Variants in SLC2A13 observed in about 807,000 individuals in gnomAD.
SLC2A13 encodes proton myo-inositol cotransporter.
In SLC2A13, 32 loss-of-function variants were observed where a neutral mutation model predicts 64.4. The observed-to-expected ratio is 0.50, with a 90% CI of 0.37 to 0.67. SLC2A13 has a LOEUF of 0.67. Among genes scored for constraint, SLC2A13 ranks in the 30% least tolerant of loss-of-function variants. The pLI is 0.00. For synonymous variants in SLC2A13, 338 were observed against 327.1 expected, an observed-to-expected ratio of 1.03 and a Z score of -0.36; for missense variants, 743 against 829.2, an observed-to-expected ratio of 0.90 and a Z score of 1.28.
chr12:40,009,625 G>T (rs987516691), intron 3 of SLC2A13, among the ~76,000 whole-genome samples: 2 of 152,126 alleles, frequency 1.3e-5, no homozygotes, highest in Non-Finnish European at 2.9e-5. Flanking sequence ...CAGAGACAAG[G>T]TCTCACTATG....
chr12:39,957,892 T>C (rs1028748864), intron 3 of SLC2A13, among the ~76,000 whole-genome samples: 7 of 152,106 alleles, frequency 4.6e-5, no homozygotes, highest in Non-Finnish European at 7.4e-5. Context: ...GAGGAGCTCA[T>C]AATACCAGGA....
At chr12:39,899,990 C>T (rs891435762) in intron 4 of SLC2A13, among the ~76,000 whole-genome samples, 1 of 151,304 alleles carries the variant, frequency 6.6e-6, no homozygotes, top group African/African-American at 2.4e-5. Flanking sequence ...AGCTTATCCA[C>T]CATGATCAAG....
At chr12:39,891,986 A>G (rs1172701965) in intron 4 of SLC2A13, among the ~76,000 whole-genome samples, 1 of 152,196 alleles carries the variant, frequency 6.6e-6, no homozygotes, top group Admixed American at 6.5e-5. Flanking sequence ...TTTTTTTACT[A>G]GGTTTAATCA....
At chr12:39,800,513 C>T (rs1038451274) in intron 7 of SLC2A13, among the ~76,000 whole-genome samples, 1 of 125,328 alleles carries the variant, frequency 8.0e-6, no homozygotes, top group African/African-American at 3.1e-5. Context: ...CATCACTGGC[C>T]ATCAGAGAAA....
intron 4 of SLC2A13, among the ~76,000 whole-genome samples, chr12:39,932,675 G>A (rs962793031): frequency 6.6e-6 from 1 of 152,300 alleles, no homozygotes; most frequent in Admixed American, 6.5e-5. Context: ...TCCAAACAAG[G>A]TCAAGGCCTA....
At chr12:39,834,894 T>C (rs1402804095) in intron 6 of SLC2A13, among the ~76,000 whole-genome samples, 2 of 152,120 alleles carry the variant, frequency 1.3e-5, no homozygotes, top group Non-Finnish European at 2.9e-5. Context: ...AATCTGCTAA[T>C]TGACCTTTTA....
chr12:39,847,685 G>A (rs938573586), intron 6 of SLC2A13, among the ~76,000 whole-genome samples: 1 of 151,888 alleles, frequency 6.6e-6, no homozygotes, highest in African/African-American at 2.4e-5. Context: ...TTACCCTTGA[G>A]TTTATTTCAC....
At chr12:39,770,608 A>G (rs550500736) in intron 7 of SLC2A13, among the ~76,000 whole-genome samples, 1 of 152,264 alleles carries the variant, frequency 6.6e-6, no homozygotes, top group East Asian at 1.9e-4. Context: ...TGTTGGGAAC[A>G]TTAAATATTC....
intron 7 of SLC2A13, among the ~76,000 whole-genome samples, chr12:39,786,919 G>A (rs1216546076): frequency 6.6e-6 from 1 of 152,198 alleles, no homozygotes; most frequent in Non-Finnish European, 1.5e-5. Flanking sequence ...TGGCATAGCA[G>A]TCATAATAGC....
chr12:39,829,389 A>ATTATTTTTTT (rs1452679878), intron 7 of SLC2A13: 2 of 65,776 alleles, frequency 3.0e-5, no homozygotes, highest in African/African-American at 6.7e-5. Context: ...TGTGATAGTA[A>ATTATTTTTTT]TTCTTTTTTT....
At chr12:40,089,988 T>C (rs1449088848) in intron 1 of SLC2A13, among the ~76,000 whole-genome samples, 6 of 152,084 alleles carry the variant, frequency 3.9e-5, no homozygotes, top group Non-Finnish European at 7.4e-5. Context: ...TACTAAACCA[T>C]GTTTGCTTCT....
In SLC2A13 at chr12:39,958,771, A is replaced by G. The variant is rs535144763; in HGVS notation, c.926-7406T>C. Among the ~76,000 whole-genome samples the G allele has an allele frequency of 3.7e-4, 57 of 152,118 alleles. No homozygotes were observed. In the South Asian group the frequency reaches 4.6e-3, roughly 12 times the overall value. ...CTCAAAGAAGTCCCATATTGTTACAATTTTGTCTCTTACAATGTTCCTTCT... is the reference window on the plus strand; with the variant it reads ...CTCAAAGAAGTCCCATATTGTTACAGTTTTGTCTCTTACAATGTTCCTTCT... On this transcript the variant is annotated intron_variant, in intron 3 of 9. Transcript: ENST00000280871.
chr12:39,989,842 T>C (rs1947101913), intron 3 of SLC2A13, among the ~76,000 whole-genome samples: 1 of 152,256 alleles, frequency 6.6e-6, no homozygotes, highest in Admixed American at 6.5e-5. Flanking sequence ...AAAAAGAAAA[T>C]TGCCACTGCT....
intron 3 of SLC2A13, among the ~76,000 whole-genome samples, chr12:39,952,210 C>A (rs1946243853): frequency 1.3e-5 from 2 of 152,088 alleles, no homozygotes; most frequent in South Asian, 2.1e-4. Context: ...GCCCTTCCAG[C>A]CTCATAAGTG....
chr12:39,780,628 G>A (rs1316647412), intron 7 of SLC2A13, among the ~76,000 whole-genome samples: 1 of 152,166 alleles, frequency 6.6e-6, no homozygotes, highest in Non-Finnish European at 1.5e-5. Flanking sequence ...GCCTGGATGA[G>A]CTAGAAGTTA....
At chr12:40,021,123 C>T (rs192578571) in intron 3 of SLC2A13, among the ~76,000 whole-genome samples, 2 of 152,128 alleles carry the variant, frequency 1.3e-5, no homozygotes, top group East Asian at 1.9e-4. Flanking sequence ...TATCTACTTA[C>T]TAAGACAATC....
intron 4 of SLC2A13, among the ~76,000 whole-genome samples, chr12:39,911,878 T>C (rs1305388415): frequency 6.6e-6 from 1 of 152,054 alleles, no homozygotes; most frequent in Non-Finnish European, 1.5e-5. Flanking sequence ...GCAAGACACA[T>C]TGCCAGGATG....
chr12:39,961,328 C>T lies in SLC2A13; in HGVS notation c.926-9963G>A, dbSNP rs573618951. On this transcript the variant is annotated intron_variant, in intron 3 of 9. Coordinates refer to ENST00000280871, the MANE Select transcript of SLC2A13 (RefSeq NM_052885.4). ...TCCTGACCTCAAGTGATCTACCTGC[C>T]TCAGCCTCCCAAAGTGCTGGGATTA... Among the ~76,000 whole-genome samples, 10 of 152,286 alleles carry T rather than the reference C, an allele frequency of 6.6e-5. No homozygotes were observed. In the South Asian group the frequency reaches 1.9e-3, roughly 28 times the overall value.
chr12:40,051,330 C>A (rs921775074), intron 1 of SLC2A13, among the ~76,000 whole-genome samples: 12 of 151,976 alleles, frequency 7.9e-5, no homozygotes, highest in African/African-American at 2.7e-4. Flanking sequence ...AAATGTGAGG[C>A]GGAATATGTG....
Sources: allele counts gnomAD v4.1 joint callset (sites outside exome capture counted in the v4.1 genomes callset), GRCh38; gene constraint gnomAD v4.1.1; transcripts MANE v1.5; gene names NCBI Gene and HGNC (gene_info 2026-07-23, HGNC 2026-07-21).